The following ERBB4 variants were observed in gnomAD, a reference collection of about 807,000 sequenced individuals.
ERBB4 encodes the protein receptor tyrosine-protein kinase erbB-4.
A neutral mutation model predicts 158.0 loss-of-function variants in ERBB4; 42 were observed. The ratio of observed to expected loss-of-function variants is 0.27; its 90% confidence interval spans 0.21 to 0.34. The LOEUF (loss-of-function observed/expected upper bound fraction) is 0.34. ERBB4 is among the 10% of genes least tolerant of loss of function. ERBB4 has a pLI of 1.00. For synonymous variants in ERBB4, 583 were observed against 558.7 expected (o/e 1.04, Z -0.61); for missense variants, 1,333 against 1,624.1 (o/e 0.82, Z 3.08).
At chr2:212,491,925 C>T (rs1261174302) in intron 1 of ERBB4, among the ~76,000 whole-genome samples, 1 of 151,432 alleles carries the variant, frequency 6.6e-6, no homozygotes, top group Non-Finnish European at 1.5e-5. Context: ...GTCATAAGAA[C>T]AGACATTCTT....
chr2:212,503,219 GT>G (rs1690996437), intron 1 of ERBB4, among the ~76,000 whole-genome samples: 2 of 152,098 alleles, frequency 1.3e-5, no homozygotes, highest in South Asian at 4.1e-4. Context: ...TTTTGTTGTT[GT>G]TTTGTTCTAT....
intron 1 of ERBB4, among the ~76,000 whole-genome samples, chr2:212,391,282 A>C (rs535516586): frequency 1.6e-4 from 24 of 151,898 alleles, no homozygotes; most frequent in African/African-American, 5.8e-4. Context: ...CTGATTGTCT[A>C]TATGATTAAC....
intron 2 of ERBB4, among the ~76,000 whole-genome samples, chr2:212,047,379 A>G (rs1376034055): frequency 6.6e-6 from 1 of 152,168 alleles, no homozygotes; most frequent in Non-Finnish European, 1.5e-5. Flanking sequence ...CACGAAAATA[A>G]CACTATTTTG....
chr2:211,435,752 C>T (rs926645049), intron 20 of ERBB4, among the ~76,000 whole-genome samples: 10 of 152,166 alleles, frequency 6.6e-5, no homozygotes, highest in African/African-American at 2.4e-4. Flanking sequence ...AACTATCTCC[C>T]CTGCCGGGCC....
At chr2:211,391,068 A>C (rs2062789216) in intron 25 of ERBB4, among the ~76,000 whole-genome samples, 2 of 152,240 alleles carry the variant, frequency 1.3e-5, no homozygotes, top group Admixed American at 6.5e-5. Flanking sequence ...ATATATTTAA[A>C]TTACATGTTA....
At chr2:212,285,102 C>T (rs766041273) in intron 1 of ERBB4, among the ~76,000 whole-genome samples, 1 of 152,138 alleles carries the variant, frequency 6.6e-6, no homozygotes, top group Non-Finnish European at 1.5e-5. Context: ...CTGATATTTA[C>T]ATCAATATGA....
chr2:211,494,397 T>TA (rs147883257), intron 20 of ERBB4, among the ~76,000 whole-genome samples: 12,997 of 151,854 alleles, frequency 0.086, 596 homozygotes, highest in Middle Eastern at 0.14. Context: ...GTTCTAATGC[T>TA]AAAAAAAATG....
chr2:212,209,608 T>C (rs2082870597), intron 1 of ERBB4, among the ~76,000 whole-genome samples: 1 of 152,070 alleles, frequency 6.6e-6, no homozygotes, highest in Non-Finnish European at 1.5e-5. Flanking sequence ...AACTGAATAG[T>C]GTTCCCCCAA....
rs761453617 is a variant in ERBB4 at position 212,340,728 on chromosome 2, C to T, written c.82+197721G>A. Among the ~76,000 whole-genome samples the T allele has an allele frequency of 3.0e-4, 45 of 152,290 alleles. No individual in the cohort carries two copies. In the South Asian group the frequency reaches 3.9e-3, roughly 13 times the overall value. ...TAAATACAGATGAAGCTTTGCTCAC[C>T]CACTGCTCACCTACCTGCGGTGCAG... On this transcript the variant is annotated intron_variant, in intron 1 of 27. Transcript: ENST00000342788.
intron 1 of ERBB4, among the ~76,000 whole-genome samples, chr2:212,345,533 T>C (rs1301132565): frequency 2.0e-5 from 3 of 152,192 alleles, no homozygotes; most frequent in South Asian, 4.1e-4. Flanking sequence ...AGAAACTACC[T>C]AGACTTTAGC....
chr2:212,467,827 ACT>A (rs893659513), intron 1 of ERBB4, among the ~76,000 whole-genome samples: 4 of 152,248 alleles, frequency 2.6e-5, no homozygotes, highest in Non-Finnish European at 5.9e-5. Flanking sequence ...ACCTGGAAAA[ACT>A]GCAGATGCTC....
intron 3 of ERBB4, among the ~76,000 whole-genome samples, chr2:211,888,082 A>T (rs937852855): frequency 6.6e-6 from 1 of 152,158 alleles, no homozygotes; most frequent in African/African-American, 2.4e-5. Flanking sequence ...TCTGAAATAC[A>T]AATCTGATCA....
intron 2 of ERBB4, among the ~76,000 whole-genome samples, chr2:212,072,366 T>C (rs1239699043): frequency 1.3e-5 from 2 of 151,972 alleles, no homozygotes; most frequent in Non-Finnish European, 2.9e-5. Flanking sequence ...GGTAGTAGCG[T>C]AGAATGATGA....
chr2:212,203,186 A>C (rs1048969840), intron 1 of ERBB4, among the ~76,000 whole-genome samples: 4 of 152,120 alleles, frequency 2.6e-5, no homozygotes, highest in African/African-American at 9.7e-5. Flanking sequence ...ATGGGAGAAG[A>C]GATACAAGAG....
intron 19 of ERBB4, among the ~76,000 whole-genome samples, chr2:211,587,084 T>C (rs1299652699): frequency 6.6e-6 from 1 of 151,920 alleles, no homozygotes; most frequent in African/African-American, 2.4e-5. Flanking sequence ...ATTGCAGATA[T>C]AATTATTTAA....
At chr2:211,634,108 T>C (rs2070262296) in intron 16 of ERBB4, among the ~76,000 whole-genome samples, 1 of 152,072 alleles carries the variant, frequency 6.6e-6, no homozygotes. Flanking sequence ...GCAATGAGTA[T>C]TTTCTAATTT....
At chr2:211,392,112 C>T (rs913197956) in intron 25 of ERBB4, among the ~76,000 whole-genome samples, 14 of 152,170 alleles carry the variant, frequency 9.2e-5, no homozygotes, top group African/African-American at 3.4e-4. Flanking sequence ...ATTAAAGGTT[C>T]TCAACCTTTT....
intron 12 of ERBB4, among the ~76,000 whole-genome samples, chr2:211,699,909 T>C (rs1441352895): frequency 6.6e-6 from 1 of 152,202 alleles, no homozygotes. Flanking sequence ...CTTGCTTCCC[T>C]ACATTTATTT....
intron 20 of ERBB4, among the ~76,000 whole-genome samples, chr2:211,477,001 T>A (rs1254794191): frequency 6.6e-6 from 1 of 152,082 alleles, no homozygotes; most frequent in African/African-American, 2.4e-5. Context: ...GTCTCAGAGA[T>A]TTGGGGTCAA....
Sources: allele counts gnomAD v4.1 joint callset (sites outside exome capture counted in the v4.1 genomes callset), GRCh38; gene constraint gnomAD v4.1.1; transcripts MANE v1.5; gene names NCBI Gene and HGNC (gene_info 2026-07-23, HGNC 2026-07-21).